Variants in SORCS2 observed in about 807,000 individuals in gnomAD.
SORCS2 encodes the protein sortilin related VPS10 domain containing receptor 2, also known as VPS10 domain-containing receptor SorCS2.
Under a neutral mutation model 141.6 loss-of-function variants are expected in SORCS2, and 100 were observed. The observed-to-expected ratio is 0.71, with a 90% CI of 0.60 to 0.83. The LOEUF is 0.83. Ranked by LOEUF, SORCS2 falls within the 40% of genes least tolerant of loss-of-function variation. The pLI, the probability that SORCS2 is intolerant of heterozygous loss-of-function variation, is 0.00. For missense variants in SORCS2, 1,646 were observed against 1,560.2 expected (o/e 1.05, Z -0.93); for synonymous variants, 789 against 676.9 (o/e 1.17, Z -2.57).
intron 3 of SORCS2, among the ~76,000 whole-genome samples, chr4:7,577,316 A>G (rs1715815325): frequency 1.3e-5 from 2 of 152,198 alleles, no homozygotes; most frequent in African/African-American, 4.8e-5. Context: ...AGACAGGTAA[A>G]GCCAGGTGGG....
intron 1 of SORCS2, among the ~76,000 whole-genome samples, chr4:7,319,394 A>T (rs113576045): frequency 1.3e-5 from 2 of 152,072 alleles, no homozygotes; most frequent in African/African-American, 4.8e-5. Flanking sequence ...TCTGACTTAC[A>T]TGGCATTTTC....
At chr4:7,331,779 A>G (rs1172696860) in intron 1 of SORCS2, among the ~76,000 whole-genome samples, 2 of 152,228 alleles carry the variant, frequency 1.3e-5, no homozygotes, top group Non-Finnish European at 2.9e-5. Flanking sequence ...GGCAGGGGTC[A>G]GTGGCTTCAG....
chr4:7,268,334 G>C (rs1387155229), intron 1 of SORCS2, among the ~76,000 whole-genome samples: 2 of 152,142 alleles, frequency 1.3e-5, no homozygotes, highest in Non-Finnish European at 2.9e-5. Context: ...GAGCATGTGG[G>C]GAGTTGTCAA....
chr4:7,224,159 C>T (rs980121758), intron 1 of SORCS2, among the ~76,000 whole-genome samples: 18 of 152,170 alleles, frequency 1.2e-4, no homozygotes, highest in Admixed American at 1.2e-3. Context: ...GCTGGGAAGT[C>T]TCCAGGAAGC....
chr4:7,391,969 G>T (rs1293068023), intron 1 of SORCS2, among the ~76,000 whole-genome samples: 1 of 152,204 alleles, frequency 6.6e-6, no homozygotes, highest in Non-Finnish European at 1.5e-5. Flanking sequence ...CTAGAGGAGT[G>T]GCAGCTGCTG....
At chr4:7,708,379 C>T (rs776390922) in intron 14 of SORCS2, among the ~76,000 whole-genome samples, 9 of 150,662 alleles carry the variant, frequency 6.0e-5, no homozygotes, top group Admixed American at 1.3e-4. Context: ...GCTGGGGTCC[C>T]GGGTGGGTGG....
intron 1 of SORCS2, among the ~76,000 whole-genome samples, chr4:7,379,934 G>T (rs1176992195): frequency 6.6e-6 from 1 of 152,206 alleles, no homozygotes; most frequent in African/African-American, 2.4e-5. Context: ...TGAGTGTGAT[G>T]ATTTGTCTCC....
At chr4:7,549,449 C>A (rs1307113215) in intron 3 of SORCS2, among the ~76,000 whole-genome samples, 1 of 151,856 alleles carries the variant, frequency 6.6e-6, no homozygotes, top group South Asian at 2.1e-4. Flanking sequence ...GGGAGTGGAT[C>A]CCCCAAGCCA....
chr4:7,230,166 T>G (rs552739861), intron 1 of SORCS2, among the ~76,000 whole-genome samples: 1 of 131,312 alleles, frequency 7.6e-6, no homozygotes, highest in East Asian at 2.5e-4. Context: ...ATGAAGGAGA[T>G]GAAGATGGTC....
chr4:7,455,090 A>G (rs1728798277), intron 2 of SORCS2, among the ~76,000 whole-genome samples: 1 of 84,698 alleles, frequency 1.2e-5, no homozygotes, highest in East Asian at 4.5e-4. Flanking sequence ...TGTTGGGGTC[A>G]GGCACTGTGT....
chr4:7,360,874 C>A (rs1177055031), intron 1 of SORCS2, among the ~76,000 whole-genome samples: 1 of 152,002 alleles, frequency 6.6e-6, no homozygotes, highest in Non-Finnish European at 1.5e-5. Context: ...CACTGCCCGG[C>A]CCGCCCAGTC....
intron 1 of SORCS2, among the ~76,000 whole-genome samples, chr4:7,369,255 G>A (rs1459757414): frequency 2.6e-5 from 4 of 152,198 alleles, no homozygotes; most frequent in Admixed American, 2.6e-4. Context: ...AGGTTGCAGT[G>A]ATCCAAGATC....
At chr4:7,720,054 AACACACAGACAC>A (rs1726479443) in intron 18 of SORCS2, among the ~76,000 whole-genome samples, 1 of 151,950 alleles carries the variant, frequency 6.6e-6, no homozygotes, top group Non-Finnish European at 1.5e-5. Context: ...CATACACACA[AACACACAGACAC>A]ACACATGCTT....
intron 1 of SORCS2, among the ~76,000 whole-genome samples, chr4:7,247,696 G>A (rs1185173692): frequency 6.6e-6 from 1 of 152,222 alleles, no homozygotes; most frequent in Non-Finnish European, 1.5e-5. Context: ...GTGGGCAGCG[G>A]GGCGCGGCCT....
At chr4:7,376,928 C>G (rs541716691) in intron 1 of SORCS2, among the ~76,000 whole-genome samples, 26 of 152,200 alleles carry the variant, frequency 1.7e-4, no homozygotes, top group African/African-American at 5.8e-4. Context: ...ATGTTCCAGC[C>G]CCAGTGCACA....
chr4:7,423,697 G>A (rs569477045), intron 2 of SORCS2, among the ~76,000 whole-genome samples: 9 of 152,250 alleles, frequency 5.9e-5, no homozygotes, highest in Admixed American at 1.3e-4. Context: ...GGCATGAGTC[G>A]GTGCTCAGGG....
At chr4:7,484,472 G>C (rs930758939) in intron 2 of SORCS2, among the ~76,000 whole-genome samples, 1 of 152,156 alleles carries the variant, frequency 6.6e-6, no homozygotes, top group Non-Finnish European at 1.5e-5. Context: ...AAGGAACGCT[G>C]TCCAGGGAAG....
chr4:7,620,525 C>T (rs959576035), intron 3 of SORCS2, among the ~76,000 whole-genome samples: 2 of 152,216 alleles, frequency 1.3e-5, no homozygotes, highest in Non-Finnish European at 2.9e-5. Context: ...TCCTGTCAAC[C>T]GAAGCAGATT....
At chr4:7,715,333 TC>T (rs1213898650) in intron 17 of SORCS2, 22 bp downstream of exon 17, 3 of 1,611,744 alleles carry the variant, frequency 1.9e-6, no homozygotes, top group Non-Finnish European at 1.7e-6. Flanking sequence ...TGCGGGCCTC[TC>T]CCTGCCTAAA....
Sources: allele counts gnomAD v4.1 joint callset (sites outside exome capture counted in the v4.1 genomes callset), GRCh38; gene constraint gnomAD v4.1.1; transcripts MANE v1.5; gene names NCBI Gene and HGNC (gene_info 2026-07-23, HGNC 2026-07-21).